Variants in ALKAL1 observed in about 807,000 individuals in gnomAD.
ALKAL1 encodes the protein ALK and LTK ligand 1.
Under a neutral mutation model 13.5 loss-of-function variants are expected in ALKAL1, and 23 were observed. That is an observed-to-expected ratio of 1.70 (90% CI 1.23 to 2.41). ALKAL1 has a LOEUF of 2.41. ALKAL1 is among the 30% of genes most tolerant of loss of function. The pLI, the probability that ALKAL1 is intolerant of heterozygous loss-of-function variation, is 0.00. For synonymous variants in ALKAL1, 85 were observed against 77.7 expected (o/e 1.09, Z -0.49); for missense variants, 181 against 178.4 (o/e 1.01, Z -0.08).
intron 1 of ALKAL1, among the ~76,000 whole-genome samples, chr8:52,561,401 C>T (rs1413814987): frequency 6.6e-6 from 1 of 152,018 alleles, no homozygotes; most frequent in Admixed American, 6.6e-5. Flanking sequence ...AGGAAGGGGG[C>T]CTAGATGGAT....
intron 1 of ALKAL1, among the ~76,000 whole-genome samples, chr8:52,543,751 G>A (rs1285446713): frequency 1.3e-5 from 2 of 152,162 alleles, no homozygotes; most frequent in Non-Finnish European, 2.9e-5. Flanking sequence ...CTTCTGTGGT[G>A]TCAATATTTG....
chr8:52,562,724 C>A (rs1441819885), intron 1 of ALKAL1, among the ~76,000 whole-genome samples: 1 of 152,176 alleles, frequency 6.6e-6, no homozygotes, highest in East Asian at 1.9e-4. Context: ...GTACGTTAGG[C>A]CTGGGTGATG....
chr8:52,562,637 A>G (rs1847562172), intron 1 of ALKAL1, among the ~76,000 whole-genome samples: 1 of 152,138 alleles, frequency 6.6e-6, no homozygotes, highest in African/African-American at 2.4e-5. Context: ...ATCTGCATTT[A>G]GGGAAGTTGC....
chr8:52,565,207 G>C lies in ALKAL1; in HGVS notation c.50C>G (p.Ala17Gly), dbSNP rs577185547. ...GGCTCCGTGCGGGGACAAAGCCAGC[G>C]CCAGCAGGAAGAGTGCGGGCAAAGG... ...GAPLPALFLL[A>G]LALSPHGAHG... is the part of the protein sequence containing the mutation. The change falls in exon 1 of 5, where the codon GCG (alanine) becomes GGG (glycine). Residue 17 changes from alanine (A) to glycine (G), a missense_variant. By Grantham distance (60) the Ala-to-Gly change is moderately conservative. Transcript: ENST00000358543. 5.2e-6 allele frequency: 7 copies of C among 1,341,208 alleles called. No homozygotes were observed. The highest frequency in any genetic ancestry group is 6.2e-5 in the East Asian group (2 of 32,134). The allele number at this position is 1,341,208 out of a possible 1,614,324, so 83.1% of individuals were successfully genotyped here.
intron 4 of ALKAL1, among the ~76,000 whole-genome samples, chr8:52,535,754 A>G (rs1847260755): frequency 6.6e-6 from 1 of 152,192 alleles, no homozygotes; most frequent in Non-Finnish European, 1.5e-5. Flanking sequence ...AATGTGTAAT[A>G]ATCACTTTTA....
In ALKAL1 at chr8:52,534,081, C is replaced by T. The variant is rs1847245469; in HGVS notation, c.*532G>A. On this transcript the variant is annotated 3_prime_UTR_variant, in exon 5 of 5. Transcript: ENST00000358543. ...ATTCAAAGGAAACAACACATTTTTT[C>T]ATATTTCAACTTTAATAAAATTCAC... The T allele has an allele frequency of 6.6e-6, 1 of 152,258 alleles. No homozygotes were observed. Among genetic ancestry groups the T allele is most frequent in the South Asian group, 2.1e-4 (1 of 4,818 alleles). The allele number at this position is 152,258 out of a possible 1,614,324, so 9.4% of individuals were successfully genotyped here.
chr8:52,539,828 TACA>T lies in ALKAL1; in HGVS notation c.325_325+2del. 1 of 1,593,740 alleles carries T rather than the reference TACA, an allele frequency of 6.3e-7. No homozygotes were observed. Among genetic ancestry groups the T allele is most frequent in the Non-Finnish European group, 8.5e-7 (1 of 1,172,096 alleles). On this transcript the variant is annotated splice_donor_variant and coding_sequence_variant, in exon 3 of 5. Transcript: ENST00000358543. LOFTEE classifies it high-confidence loss of function. ...AAAAAAAAAACCCACCCAAGTTACTTACAAGCTGGCGTTGAGCACTCCCTGGTA... is the reference window on the plus strand; with the variant it reads ...AAAAAAAAAACCCACCCAAGTTACTTAGCTGGCGTTGAGCACTCCCTGGTA...
intron 1 of ALKAL1, among the ~76,000 whole-genome samples, chr8:52,547,056 A>G (rs1401575053): frequency 1.3e-5 from 2 of 152,184 alleles, no homozygotes; most frequent in Non-Finnish European, 2.9e-5. Flanking sequence ...TTCCATGCAC[A>G]CCCTTTTTAT....
chr8:52,548,888 CAT>C (rs1847400428), intron 1 of ALKAL1, among the ~76,000 whole-genome samples: 1 of 151,802 alleles, frequency 6.6e-6, no homozygotes, highest in Non-Finnish European at 1.5e-5. Context: ...TATATATGTA[CAT>C]ATATATGTTG....
chr8:52,550,678 C>T (rs1469519650), intron 1 of ALKAL1, among the ~76,000 whole-genome samples: 1 of 152,106 alleles, frequency 6.6e-6, no homozygotes, highest in Non-Finnish European at 1.5e-5. Flanking sequence ...GGGAAGGATC[C>T]TTCCTTGCCT....
intron 1 of ALKAL1, among the ~76,000 whole-genome samples, chr8:52,548,981 A>C (rs1462407214): frequency 1.3e-5 from 2 of 152,174 alleles, no homozygotes; most frequent in African/African-American, 2.4e-5. Flanking sequence ...AATGCAGTAC[A>C]ACCAGAAAAC....
chr8:52,554,882 G>A lies in ALKAL1; in HGVS notation c.190+10185C>T, dbSNP rs137872163. ...ATCCAGCAGGCCAAGTAAGATAAAG[G>A]CCGACAGGGCCGGGCACGGTGGCTC... is the stretch of plus-strand genomic sequence containing the variant. On this transcript the variant is annotated intron_variant, in intron 1 of 4. Transcript: ENST00000358543. 3.0e-4 allele frequency among the ~76,000 whole-genome samples: 45 copies of A among 152,290 alleles called. No homozygotes were observed. The East Asian group carries it at 5.4e-3, about 18-fold the overall frequency.
chr8:52,553,008 T>G (rs1018224409), intron 1 of ALKAL1, among the ~76,000 whole-genome samples: 3 of 152,182 alleles, frequency 2.0e-5, no homozygotes, highest in Non-Finnish European at 4.4e-5. Context: ...AGCAACTTGA[T>G]TTTTATATAT....
intron 1 of ALKAL1, among the ~76,000 whole-genome samples, chr8:52,547,767 C>T (rs1847385139): frequency 6.6e-6 from 1 of 152,154 alleles, no homozygotes; most frequent in Non-Finnish European, 1.5e-5. Context: ...GCTGGAGGAT[C>T]GCTTGGGCCC....
At chr8:52,539,341 CTTCAG>C (rs1401889300) in intron 3 of ALKAL1, among the ~76,000 whole-genome samples, 5 of 152,118 alleles carry the variant, frequency 3.3e-5, no homozygotes, top group African/African-American at 1.2e-4. Flanking sequence ...TTATTATTAA[CTTCAG>C]TAACTTAAGT....
chr8:52,563,292 G>C (rs934351787), intron 1 of ALKAL1, among the ~76,000 whole-genome samples: 1 of 152,080 alleles, frequency 6.6e-6, no homozygotes, highest in African/African-American at 2.4e-5. Flanking sequence ...AATTAGCCGG[G>C]CGTGGTGGTG....
intron 1 of ALKAL1, among the ~76,000 whole-genome samples, chr8:52,562,003 G>A (rs4873663): frequency 0.19 from 29,093 of 152,028 alleles, 3,717 homozygotes; most frequent in East Asian, 0.62. Context: ...CTCCCACCAC[G>A]GCCCTATTCT....
At chr8:52,558,480 C>A (rs1847506924) in intron 1 of ALKAL1, among the ~76,000 whole-genome samples, 1 of 151,666 alleles carries the variant, frequency 6.6e-6, no homozygotes, top group Non-Finnish European at 1.5e-5. Context: ...TAACAGTGTG[C>A]CTATTTGACT....
chr8:52,547,679 G>T (rs1847383949), intron 1 of ALKAL1, among the ~76,000 whole-genome samples: 1 of 151,992 alleles, frequency 6.6e-6, no homozygotes, highest in Non-Finnish European at 1.5e-5. Context: ...AAAGTAAAAA[G>T]AAATGTGTGA....
Sources: gnomAD v4.1 joint callset for allele counts (sites outside exome capture counted in the v4.1 genomes callset) on GRCh38, gnomAD v4.1.1 for gene constraint, MANE v1.5 for transcripts, NCBI Gene and HGNC (gene_info 2026-07-23, HGNC 2026-07-21) for gene names.